Variants in AUTS2 observed in about 807,000 individuals in gnomAD.
The protein encoded by AUTS2 is autism susceptibility gene 2 protein.
Under a neutral mutation model 112.4 loss-of-function variants are expected in AUTS2, and 17 were observed. That is an observed-to-expected ratio of 0.15 (90% CI 0.10 to 0.23). AUTS2 has a LOEUF of 0.23. AUTS2 is among the 10% of genes least tolerant of loss of function. The probability of loss-of-function intolerance (pLI) is 1.00; values close to 1 mark genes in which losing one functional copy is unlikely to be tolerated. For synonymous variants in AUTS2, 751 were observed against 702.7 expected, an observed-to-expected ratio of 1.07 and a Z score of -1.09; for missense variants, 1,510 against 1,701.6, an observed-to-expected ratio of 0.89 and a Z score of 1.98.
At chr7:69,670,346 A>T (rs1015541693) in intron 1 of AUTS2, among the ~76,000 whole-genome samples, 1 of 152,096 alleles carries the variant, frequency 6.6e-6, no homozygotes, top group African/African-American at 2.4e-5. Flanking sequence ...ATCCTTTCTC[A>T]AACATTAAAT....
At chr7:70,063,498 C>T (rs1478955432) in intron 2 of AUTS2, among the ~76,000 whole-genome samples, 3 of 152,170 alleles carry the variant, frequency 2.0e-5, no homozygotes, top group Non-Finnish European at 4.4e-5. Context: ...TATTTAACTT[C>T]TCTCAGCCTC....
chr7:70,249,249 C>T (rs1228331714), intron 4 of AUTS2, among the ~76,000 whole-genome samples: 1 of 152,016 alleles, frequency 6.6e-6, no homozygotes, highest in East Asian at 1.9e-4. Context: ...TTTTGCGTAA[C>T]CTGCTTAGGA....
At chr7:69,663,754 A>G (rs1033981818) in intron 1 of AUTS2, among the ~76,000 whole-genome samples, 3 of 152,194 alleles carry the variant, frequency 2.0e-5, no homozygotes. Context: ...TGGAAACCCA[A>G]TCTGAAGGTA....
intron 4 of AUTS2, among the ~76,000 whole-genome samples, chr7:70,304,757 C>T (rs1162510455): frequency 3.8e-5 from 4 of 105,704 alleles, no homozygotes; most frequent in Non-Finnish European, 5.3e-5. Context: ...CTCTGGTGAA[C>T]ATTTCCTTAG....
chr7:70,038,888 A>G (rs979492388), intron 2 of AUTS2, among the ~76,000 whole-genome samples: 4 of 152,050 alleles, frequency 2.6e-5, no homozygotes, highest in African/African-American at 4.8e-5. Context: ...CCTCCCAGGT[A>G]ACTGGGACTA....
intron 5 of AUTS2, among the ~76,000 whole-genome samples, chr7:70,459,582 C>G (rs752438779): frequency 2.0e-5 from 3 of 152,216 alleles, no homozygotes. Context: ...TTCTCAGTTA[C>G]TTTTGGGAAA....
chr7:69,626,837 A>T (rs1793975496), intron 1 of AUTS2, among the ~76,000 whole-genome samples: 1 of 152,220 alleles, frequency 6.6e-6, no homozygotes, highest in Admixed American at 6.5e-5. Flanking sequence ...AGACTGAAGT[A>T]TTAAAAAGGT....
chr7:69,929,905 A>AT (rs1796163905), intron 2 of AUTS2, among the ~76,000 whole-genome samples: 1 of 152,100 alleles, frequency 6.6e-6, no homozygotes, highest in Non-Finnish European at 1.5e-5. Flanking sequence ...GACATTGTGA[A>AT]TTTTACCTTG....
rs1792038112 is a variant in AUTS2, at chr7:70,792,519, A to G, written c.*1523A>G. The G allele has an allele frequency of 6.6e-6, 1 of 150,436 alleles. No individual in the cohort carries two copies. Among genetic ancestry groups the G allele is most frequent in the Admixed American group, 6.7e-5 (1 of 15,034 alleles). 9.3% of individuals were successfully genotyped at this position (150,436 alleles called of 1,614,324 possible). On this transcript the variant is annotated 3_prime_UTR_variant, in exon 19 of 19. Transcript: ENST00000342771. ...AAAAAAAAAAAAAAGTTAACTACAG[A>G]CCATTGTTTCTAATAAGCAGAGAGA...
chr7:69,966,379 G>A (rs1797637114), intron 2 of AUTS2, among the ~76,000 whole-genome samples: 1 of 152,164 alleles, frequency 6.6e-6, no homozygotes. Flanking sequence ...GCTATAGTCA[G>A]CAGTAGAAAT....
At chr7:69,707,506 A>G (rs1798118791) in intron 1 of AUTS2, among the ~76,000 whole-genome samples, 5 of 152,246 alleles carry the variant, frequency 3.3e-5, no homozygotes, top group Admixed American at 3.3e-4. Context: ...AAAAAAAGTC[A>G]TGCTGCCACT....
At chr7:70,066,401 A>T (rs1009411470) in intron 2 of AUTS2, among the ~76,000 whole-genome samples, 4 of 152,142 alleles carry the variant, frequency 2.6e-5, no homozygotes, top group African/African-American at 9.7e-5. Flanking sequence ...AGGGAAGACA[A>T]ATATTTAAGT....
Position 70,652,623 on chromosome 7 carries a change from G to A in AUTS2, c.691-45946G>A, listed in dbSNP as rs147292236. Among the ~76,000 whole-genome samples the A allele has an allele frequency of 1.8e-3, 269 of 152,292 alleles. 1 individual carries two copies. Among genetic ancestry groups the A allele is most frequent in the Non-Finnish European group, 2.6e-3 (179 of 68,024 alleles). On this transcript the variant is annotated intron_variant, in intron 5 of 18. Coordinates refer to ENST00000342771, the MANE Select transcript of AUTS2 (RefSeq NM_015570.4). ...GTTTTGGCCAGATGTGGTGGCGTGC[G>A]CCTGTAGTCTCAGCTACTCGAGAGG... is the stretch of plus-strand genomic sequence containing the variant.
chr7:70,227,324 A>AC (rs1425131627), intron 4 of AUTS2, among the ~76,000 whole-genome samples: 3 of 144,006 alleles, frequency 2.1e-5, no homozygotes, highest in South Asian at 4.5e-4. Context: ...TAAAAAAAAA[A>AC]AAACAACCTT....
At chr7:70,063,424 TA>T (rs1186018898) in intron 2 of AUTS2, among the ~76,000 whole-genome samples, 1 of 152,168 alleles carries the variant, frequency 6.6e-6, no homozygotes, top group East Asian at 1.9e-4. Context: ...TCTGGAGTCT[TA>T]AACCCAAGCA....
At chr7:70,340,989 C>T (rs554797810) in intron 4 of AUTS2, among the ~76,000 whole-genome samples, 1 of 152,214 alleles carries the variant, frequency 6.6e-6, no homozygotes, top group Admixed American at 6.5e-5. Flanking sequence ...CCTGAACTTA[C>T]TCTTCCAAGA....
At chr7:70,410,256 A>G (rs921519401) in intron 4 of AUTS2, among the ~76,000 whole-genome samples, 4 of 152,156 alleles carry the variant, frequency 2.6e-5, no homozygotes, top group Non-Finnish European at 4.4e-5. Context: ...CTAGGAACTG[A>G]AGCACTTCCT....
intron 2 of AUTS2, among the ~76,000 whole-genome samples, chr7:70,012,920 A>G (rs1799870436): frequency 6.6e-6 from 1 of 152,228 alleles, no homozygotes; most frequent in African/African-American, 2.4e-5. Context: ...ATAAGTGCTC[A>G]TGAATAGGAC....
At chr7:70,219,528 G>A (rs2129591435) in intron 4 of AUTS2, among the ~76,000 whole-genome samples, 1 of 151,134 alleles carries the variant, frequency 6.6e-6, no homozygotes, top group East Asian at 1.9e-4. Context: ...TTTGTTTTGA[G>A]ATCTGAACAG....
Sources: gnomAD v4.1 joint callset for allele counts (sites outside exome capture counted in the v4.1 genomes callset) on GRCh38, gnomAD v4.1.1 for gene constraint, MANE v1.5 for transcripts, NCBI Gene and HGNC (gene_info 2026-07-23, HGNC 2026-07-21) for gene names.